HS6ST2: variants seen among roughly 807,000 people sequenced by gnomAD.
HS6ST2 encodes heparan sulfate 6-O-sulfotransferase 2, also known as heparan-sulfate 6-O-sulfotransferase 2.
HS6ST2 carries 17 observed loss-of-function variants against 33.0 expected under a neutral mutation model. The ratio of observed to expected loss-of-function variants is 0.52; its 90% CI spans 0.35 to 0.77. The LOEUF (loss-of-function observed/expected upper bound fraction) is 0.77. Among genes scored for constraint, HS6ST2 ranks in the 30% least tolerant of loss-of-function variants. HS6ST2 has a pLI of 0.01. For missense variants in HS6ST2, 519 were observed against 551.7 expected (o/e 0.94, Z 0.59); for synonymous variants, 248 against 237.1 (o/e 1.05, Z -0.42).
At chrX:132,778,686 G>A (rs1331179748) in intron 2 of HS6ST2, among the ~76,000 whole-genome samples, 2 of 110,792 alleles carry the variant, frequency 1.8e-5, no homozygotes, top group East Asian at 2.8e-4. Context: ...TTACAGGCCC[G>A]GCCAAAATGT....
chrX:132,641,483 G>A (rs1042854522), intron 4 of HS6ST2, among the ~76,000 whole-genome samples: 1 of 112,576 alleles, frequency 8.9e-6, no homozygotes, highest in Non-Finnish European at 1.9e-5. Flanking sequence ...ATTCGCTTAC[G>A]TTTATCGCCT....
At chrX:132,842,552 G>C (rs2065717017) in intron 2 of HS6ST2, among the ~76,000 whole-genome samples, 1 of 111,540 alleles carries the variant, frequency 9.0e-6, no homozygotes, top group Admixed American at 9.5e-5. Flanking sequence ...GAGAGAGAAA[G>C]ACAGAGAGAA....
chrX:132,692,797 A>C (rs2064076824), intron 3 of HS6ST2, among the ~76,000 whole-genome samples: 1 of 111,940 alleles, frequency 8.9e-6, no homozygotes, highest in Admixed American at 9.4e-5. Flanking sequence ...ATTATATTGC[A>C]CTGATTCATA....
chrX:132,722,702 T>C (rs1462267966), intron 2 of HS6ST2, among the ~76,000 whole-genome samples: 2 of 111,018 alleles, frequency 1.8e-5, no homozygotes, highest in Non-Finnish European at 3.8e-5. Context: ...CATGAAATAG[T>C]ATTTTCCATT....
intron 2 of HS6ST2, among the ~76,000 whole-genome samples, chrX:132,752,201 G>A (rs2064712814): frequency 9.0e-6 from 1 of 111,205 alleles, no homozygotes; most frequent in African/African-American, 3.3e-5. Context: ...GCCTGGCATG[G>A]TGGCTCATGC....
rs2065267410 is a variant in HS6ST2, at chrX:132,804,973, A to C, written c.948-96479T>G. Among the ~76,000 whole-genome samples, 6 of 111,393 alleles carry C rather than the reference A, an allele frequency of 5.4e-5. No homozygotes were observed. In the South Asian group the frequency reaches 2.3e-3, roughly 43 times the overall value. On this transcript the variant is annotated intron_variant, in intron 2 of 4. Transcript: ENST00000370833. ...AAGTCCACTGCTACAGTGTACAAAG[A>C]GGAAATTCTGATATATATACATGTA...
At position 132,958,266 on chromosome X, in the gene HS6ST2, C is replaced by T. The variant is rs1382964895; in HGVS notation, c.337G>A (p.Ala113Thr). The T allele has an allele frequency of 8.4e-7, 1 of 1,189,757 alleles. No individual in the cohort carries two copies. The highest frequency in any genetic ancestry group is 1.1e-6 in the Non-Finnish European group (1 of 889,847). ...RRWDLGSLCR[A>T]LLTRGLAALG... ...GCGGCCAGGCCCCGAGTGAGCAGGGCCCGGCAGAGGGAGCCCAGGTCCCAG... is the reference window on the plus strand; with the variant it reads ...GCGGCCAGGCCCCGAGTGAGCAGGGTCCGGCAGAGGGAGCCCAGGTCCCAG... The change falls in exon 1 of 5, where the codon GCC (alanine) becomes ACC (threonine). Residue 113 changes from alanine (A) to threonine (T), a missense_variant. Coordinates refer to ENST00000370833, the MANE Select transcript of HS6ST2 (RefSeq NM_001394073.1).
intron 2 of HS6ST2, among the ~76,000 whole-genome samples, chrX:132,779,745 C>A (rs2065002071): frequency 9.2e-6 from 1 of 109,186 alleles, no homozygotes; most frequent in African/African-American, 3.5e-5. Flanking sequence ...TGTGCCTGGT[C>A]TGTGCTAAGT....
chrX:132,813,267 C>T (rs1258644429), intron 2 of HS6ST2, among the ~76,000 whole-genome samples: 4 of 111,801 alleles, frequency 3.6e-5, no homozygotes, highest in Non-Finnish European at 7.5e-5. Context: ...CATTCTTTAG[C>T]GCTTAGCAAT....
At chrX:132,699,099 T>G (rs1030778064) in intron 3 of HS6ST2, among the ~76,000 whole-genome samples, 1 of 111,393 alleles carries the variant, frequency 9.0e-6, no homozygotes, top group Admixed American at 9.6e-5. Flanking sequence ...TGACCTATGA[T>G]TGTAGGCCAT....
At chrX:132,838,934 C>T (rs1602734336) in intron 2 of HS6ST2, among the ~76,000 whole-genome samples, 1 of 103,092 alleles carries the variant, frequency 9.7e-6, no homozygotes, top group Non-Finnish European at 2.0e-5. Context: ...TACCATCTTA[C>T]ACCAGTCAGA....
At chrX:132,714,704 T>C (rs1293739808) in intron 2 of HS6ST2, among the ~76,000 whole-genome samples, 2 of 111,088 alleles carry the variant, frequency 1.8e-5, no homozygotes, top group Non-Finnish European at 3.8e-5. Flanking sequence ...AAGCAGAGAC[T>C]TAAACAAAAA....
chrX:132,669,551 C>T (rs537792417), intron 3 of HS6ST2: 11 of 131,060 alleles, frequency 8.4e-5, no homozygotes, highest in Middle Eastern at 3.3e-3. Flanking sequence ...AAATAAAATC[C>T]TTTCTTTCCA....
At chrX:132,960,808 C>T (rs970962578), upstream of HS6ST2, among the ~76,000 whole-genome samples, 5 of 111,745 alleles carry the variant, frequency 4.5e-5, no homozygotes, top group African/African-American at 9.8e-5. Context: ...AGAAATGAAT[C>T]TCTCATACAG....
chrX:132,648,073 A>G (rs1020361517), intron 4 of HS6ST2, among the ~76,000 whole-genome samples: 2 of 112,317 alleles, frequency 1.8e-5, no homozygotes, highest in African/African-American at 6.5e-5. Context: ...TGTGTTTGAC[A>G]CATAATATAA....
rs369708094 is a variant in HS6ST2 at position 132,669,169 on chromosome X, G to A, written c.1011C>T (p.Asn337=). 88 of 1,207,049 alleles carry A rather than the reference G, an allele frequency of 7.3e-5. 1 individual carries two copies. The South Asian group carries it at 1.2e-3, about 16-fold the overall frequency. ...TGGATGACGGAGAGTTGGCGCCTGC[G>A]TTAGTGTTTGGAGAACCCCGTTTAT... ...SKDKRGSPNT[N]AGANSPSSTK... Residue 337 remains asparagine, a synonymous_variant, in exon 4 of 5, where the codon AAC becomes AAT. Transcript: ENST00000370833.
chrX:132,852,923 T>C (rs1353880453), intron 2 of HS6ST2, among the ~76,000 whole-genome samples: 2 of 111,788 alleles, frequency 1.8e-5, no homozygotes, highest in Non-Finnish European at 3.8e-5. Flanking sequence ...AGACACTAGG[T>C]AACTTCAACT....
chrX:132,885,599 G>A (rs1299394321), intron 2 of HS6ST2, among the ~76,000 whole-genome samples: 2 of 111,209 alleles, frequency 1.8e-5, no homozygotes, highest in African/African-American at 3.3e-5. Context: ...AAAACTTACA[G>A]AGAACACATA....
chrX:132,921,373 G>A (rs1204990843), intron 2 of HS6ST2, among the ~76,000 whole-genome samples: 2 of 112,176 alleles, frequency 1.8e-5, no homozygotes, highest in African/African-American at 6.5e-5. Flanking sequence ...GAAAAGTGCT[G>A]GTTTGGAAAA....
Sources: allele counts gnomAD v4.1 joint callset (sites outside exome capture counted in the v4.1 genomes callset), GRCh38; gene constraint gnomAD v4.1.1; transcripts MANE v1.5; gene names NCBI Gene and HGNC (gene_info 2026-07-23, HGNC 2026-07-21).